Variants in SGTA observed in about 807,000 individuals in gnomAD.
SGTA encodes the protein small glutamine rich tetratricopeptide repeat co-chaperone alpha, also known as small glutamine-rich tetratricopeptide repeat-containing protein alpha.
SGTA carries 22 observed loss-of-function variants against 44.3 expected under a neutral mutation model. That is an observed-to-expected ratio of 0.50 (90% CI 0.36 to 0.71). The LOEUF is 0.71. Ranked by LOEUF, SGTA falls within the 30% of genes least tolerant of loss-of-function variation. The pLI, the probability that SGTA is intolerant of heterozygous loss-of-function variation, is 0.00. For missense variants in SGTA, 341 were observed against 435.9 expected (o/e 0.78, Z 1.94); for synonymous variants, 174 against 177.6 (o/e 0.98, Z 0.16).
Position 2,763,567 on chromosome 19 carries a change from A to T in SGTA, c.497+86T>A, listed in dbSNP as rs1447294430. 3.2e-6 allele frequency: 3 copies of T among 937,482 alleles called. No homozygotes were observed. Among genetic ancestry groups the T allele is most frequent in the East Asian group, 5.3e-5 (2 of 37,612 alleles). The allele number at this position is 937,482 out of a possible 1,614,324, so 58.1% of individuals were successfully genotyped here. On this transcript the variant is annotated intron_variant, in intron 6 of 11. Coordinates refer to ENST00000221566, the MANE Select transcript of SGTA (RefSeq NM_003021.4). The surrounding 1 kb of genome is among the most constrained non-coding windows in gnomAD (Gnocchi z 5.8). ...GGTGGGAGAATTCGTTGTGGGTGGG[A>T]AAAAAGCCACACAAGAGAGGAAGCA...
rs991937842 is a variant in SGTA, at chr19:2,763,799, T to G, written c.393-42A>C. The G allele has an allele frequency of 6.4e-7, 1 of 1,556,438 alleles. No individual in the cohort carries two copies. Among genetic ancestry groups the G allele is most frequent in the African/African-American group, 1.4e-5 (1 of 73,862 alleles). On this transcript the variant is annotated intron_variant, in intron 5 of 11. Transcript: ENST00000221566. This position sits in a 1 kb window ranked among gnomAD's most constrained non-coding sequence, Gnocchi z 5.8. The stretch of plus-strand genomic sequence containing the variant: ...AGGGCAGGTCCCTCACTGGCGGCTC[T>G]GAGCCCAGCGGGCAGCCCTTGAGGG...
chr19:2,759,462 C>A (rs1914924042), intron 8 of SGTA, 168 bp from the exon 9 acceptor site: 10 of 625,054 alleles, frequency 1.6e-5, no homozygotes, highest in Non-Finnish European at 2.9e-5. Context: ...ATTTTCGCCC[C>A]CCCACCCACG....
At chr19:2,775,516 G>A (rs1047614371) in intron 1 of SGTA, among the ~76,000 whole-genome samples, 1 of 152,208 alleles carries the variant, frequency 6.6e-6, no homozygotes, top group Non-Finnish European at 1.5e-5. Context: ...CCCTTTCAGG[G>A]AAAGCAACAT....
rs930528925 is a variant in SGTA, at chr19:2,761,738, C to T, written c.637-216G>A. Among the ~76,000 whole-genome samples, 2 of 148,564 alleles carry T rather than the reference C, an allele frequency of 1.3e-5. No homozygotes were observed. The highest frequency in any genetic ancestry group is 6.7e-5 in the Admixed American group (1 of 14,976). On this transcript the variant is annotated intron_variant, in intron 7 of 11. Transcript: ENST00000221566. This position sits in a 1 kb window ranked among gnomAD's most constrained non-coding sequence, Gnocchi z 5.7. ...GTGTTTATTCCCCGCACAGCGCGAC[C>T]GCCCGGGGACGGCACAGTCTATCAT... is the stretch of plus-strand genomic sequence containing the variant.
rs1311285347 is a variant in SGTA at position 2,771,039 on chromosome 19, G to C, written c.-23-1948C>G. Among the ~76,000 whole-genome samples, 4 of 152,244 alleles carry C rather than the reference G, an allele frequency of 2.6e-5. No individual in the cohort carries two copies. The East Asian group carries it at 7.7e-4, about 29-fold the overall frequency. On this transcript the variant is annotated intron_variant, in intron 1 of 11. Transcript: ENST00000221566. ...CCTCCGCCTCCATGTCTGTAAAATG[G>C]GGAGCTCCATTGTGGCTGCTGTCAG...
At chr19:2,774,948 G>A (rs1298393979) in intron 1 of SGTA, among the ~76,000 whole-genome samples, 5 of 152,224 alleles carry the variant, frequency 3.3e-5, no homozygotes, top group African/African-American at 1.2e-4. Flanking sequence ...ACTTGGTGTT[G>A]TCTCACATGG....
intron 1 of SGTA, among the ~76,000 whole-genome samples, chr19:2,782,878 G>A (rs1915603120): frequency 6.6e-6 from 1 of 152,158 alleles, no homozygotes. Context: ...CACAAACGGG[G>A]GTCCCTGAGT....
In SGTA at chr19:2,763,566, G is replaced by GA. The variant is rs768940470; in HGVS notation, c.497+86dup. Reference sequence around the variant, plus strand: ...GGGTGGGAGAATTCGTTGTGGGTGGGAAAAAAGCCACACAAGAGAGGAAGC... The same window carrying GA: ...GGGTGGGAGAATTCGTTGTGGGTGGGAAAAAAAGCCACACAAGAGAGGAAGC... On this transcript the variant is annotated intron_variant, in intron 6 of 11. Transcript: ENST00000221566. This position sits in a 1 kb window ranked among gnomAD's most constrained non-coding sequence, Gnocchi z 5.8. 227 of 930,084 alleles carry GA rather than the reference G, an allele frequency of 2.4e-4. No homozygotes were observed. The highest frequency in any genetic ancestry group is 2.6e-4 in the Non-Finnish European group (162 of 615,428). 57.6% of individuals were successfully genotyped at this position (930,084 alleles called of 1,614,324 possible).
In SGTA at chr19:2,763,030, C is replaced by T. The variant is rs1037578823; in HGVS notation, c.498-386G>A. 1.3e-5 allele frequency among the ~76,000 whole-genome samples: 2 copies of T among 149,940 alleles called. No homozygotes were observed. Among genetic ancestry groups the T allele is most frequent in the African/African-American group, 2.5e-5 (1 of 40,056 alleles). ...ACCTCTGAGCGACAGACATGTCTCC[C>T]GTCATCCACAAGCAGCCCCTGACCC... On this transcript the variant is annotated intron_variant, in intron 6 of 11. Coordinates refer to ENST00000221566, the MANE Select transcript of SGTA (RefSeq NM_003021.4). This position sits in a 1 kb window ranked among gnomAD's most constrained non-coding sequence, Gnocchi z 5.8.
At chr19:2,758,014 A>T (rs2144718587) in intron 9 of SGTA, among the ~76,000 whole-genome samples, 1 of 152,308 alleles carries the variant, frequency 6.6e-6, no homozygotes, top group Non-Finnish European at 1.5e-5. Flanking sequence ...GTTCTCAGCC[A>T]GGGGGTGATC....
At chr19:2,769,196 G>T in intron 1 of SGTA, 105 bp from the exon 2 acceptor site, 1 of 659,886 alleles carries the variant, frequency 1.5e-6, no homozygotes. Context: ...GGTGCTGGCT[G>T]ATCTCAGCTC....
chr19:2,767,596 G>A lies in SGTA; in HGVS notation c.191C>T (p.Ala64Val), dbSNP rs367983019. ...LPQTLPEIFEAAATGKEMPQD... is the reference protein window; with the variant it reads ...LPQTLPEIFEVAATGKEMPQD... ...GAGGCTCACCTTGCCCGTGGCAGCC[G>A]CTTCAAATATCTCCGGCAGAGTCTG... is the stretch of plus-strand genomic sequence containing the variant. The change falls in exon 3 of 12, where the codon GCG becomes GTG. Residue 64 changes from alanine (A) to valine (V), a missense_variant. Coordinates refer to ENST00000221566, the MANE Select transcript of SGTA (RefSeq NM_003021.4). This position sits in a 1 kb window ranked among gnomAD's most constrained non-coding sequence, Gnocchi z 7.3. 22 of 1,612,878 alleles carry A rather than the reference G, an allele frequency of 1.4e-5. No individual in the cohort carries two copies. The East Asian group carries it at 1.6e-4, about 11-fold the overall frequency.
At chr19:2,778,384 G>T (rs1915492044) in intron 1 of SGTA, among the ~76,000 whole-genome samples, 1 of 152,128 alleles carries the variant, frequency 6.6e-6, no homozygotes, top group Non-Finnish European at 1.5e-5. Flanking sequence ...CCCAATGAGG[G>T]TTCAGAAAGT....
rs1184527659 is a variant in SGTA, at chr19:2,761,001, G to A, written c.699+459C>T. ...AGGCCGTCCCTTTGGAAGCATGAGTGCCCGGGCATCGGGAGGTCCACCTGC... is the reference window on the plus strand; with the variant it reads ...AGGCCGTCCCTTTGGAAGCATGAGTACCCGGGCATCGGGAGGTCCACCTGC... On this transcript the variant is annotated intron_variant, in intron 8 of 11. Transcript: ENST00000221566. This position sits in a 1 kb window ranked among gnomAD's most constrained non-coding sequence, Gnocchi z 5.7. Among the ~76,000 whole-genome samples the A allele has an allele frequency of 1.3e-5, 2 of 152,248 alleles. No individual in the cohort carries two copies. Among genetic ancestry groups the A allele is most frequent in the Non-Finnish European group, 1.5e-5 (1 of 68,050 alleles).
At chr19:2,757,234 C>T in intron 11 of SGTA, 103 bp downstream of exon 11, 1 of 1,403,450 alleles carries the variant, frequency 7.1e-7, no homozygotes, top group Middle Eastern at 2.5e-4. Flanking sequence ...AGACAGGCTC[C>T]ACAGCCCCCG....
intron 2 of SGTA, among the ~76,000 whole-genome samples, chr19:2,768,121 G>A (rs1915201582): frequency 6.6e-6 from 1 of 152,136 alleles, no homozygotes; most frequent in Non-Finnish European, 1.5e-5. Flanking sequence ...CTGTATGACT[G>A]GGTCTGTACC....
At chr19:2,768,545 C>G (rs1480363051) in intron 2 of SGTA, among the ~76,000 whole-genome samples, 1 of 152,356 alleles carries the variant, frequency 6.6e-6, no homozygotes, top group East Asian at 1.9e-4. Context: ...GAGACCAAGG[C>G]ACCTGGGGAG....
intron 1 of SGTA, among the ~76,000 whole-genome samples, chr19:2,782,996 A>G (rs549839026): frequency 1.1e-4 from 16 of 152,308 alleles, no homozygotes; most frequent in African/African-American, 3.8e-4. Context: ...CCTCGCCACC[A>G]GGCCGCGGAC....
In SGTA at chr19:2,768,983, T is replaced by C. The variant is rs779658567; in HGVS notation, c.86A>G (p.Gln29Arg). 6.2e-7 allele frequency: 1 copy of C among 1,613,314 alleles called. No homozygotes were observed. Among genetic ancestry groups the C allele is most frequent in the South Asian group, 1.1e-5 (1 of 91,072 alleles). The change falls in exon 2 of 12, where the codon CAG (glutamine) becomes CGG (arginine). Residue 29 changes from glutamine (Q) to arginine (R), a missense_variant. Gln to Arg is a conservative substitution (Grantham distance 43). Coordinates refer to ENST00000221566, the MANE Select transcript of SGTA (RefSeq NM_003021.4). The part of the protein sequence containing the change: ...LRHGGLSSDA[Q>R]ESLEVAIQCL... ...CACCCACCTACCTTCCAAGCTCTCC[T>C]GAGCATCGGACGAGAGGCCCCCGTG...
Sources: allele counts gnomAD v4.1 joint callset (sites outside exome capture counted in the v4.1 genomes callset), GRCh38; gene constraint gnomAD v4.1.1; non-coding constraint Gnocchi (gnomAD v3.1); transcripts MANE v1.5; gene names NCBI Gene and HGNC (gene_info 2026-07-23, HGNC 2026-07-21).